Variants in CRYBG3 observed in about 807,000 individuals in gnomAD.
The protein encoded by CRYBG3 is very large A-kinase anchor protein.
A neutral mutation model predicts 244.2 loss-of-function variants in CRYBG3; 127 were observed. The observed-to-expected ratio is 0.52, with a 90% confidence interval of 0.45 to 0.60. CRYBG3 has a LOEUF of 0.60. CRYBG3 is among the 20% of genes least tolerant of loss of function. The pLI, the probability that CRYBG3 is intolerant of heterozygous loss-of-function variation, is 0.00. For missense variants in CRYBG3, 3,325 were observed against 3,442.5 expected (o/e 0.97, Z 0.85); for synonymous variants, 1,132 against 1,195.8 (o/e 0.95, Z 1.10).
chr3:97,930,209 G>A (rs751749651), intron 17 of CRYBG3, among the ~76,000 whole-genome samples: 81 of 152,034 alleles, frequency 5.3e-4, no homozygotes, highest in Admixed American at 1.5e-3. Flanking sequence ...TCTGGGGAGA[G>A]TGCTGCTGAT....
Position 97,886,693 on chromosome 3 carries a change from C to T in CRYBG3, c.7215C>T (p.Tyr2405=). The T allele has an allele frequency of 8.1e-6, 13 of 1,612,742 alleles. 1 individual carries two copies. The highest frequency in any genetic ancestry group is 2.2e-5 in the South Asian group (2 of 90,906). ...PQSDPACCPV[Y]IQRAVPNLEE... The stretch of plus-strand genomic sequence containing the variant: ...CTGACCCAGCCTGTTGTCCTGTCTA[C>T]ATACAGAGAGCAGTCCCCAATTTGG... The change falls in exon 8 of 22, where the codon TAC becomes TAT. Residue 2405 remains tyrosine (Y), a synonymous_variant. Transcript: ENST00000389622.
At chr3:97,885,092 G>C (rs897711147) in intron 7 of CRYBG3, among the ~76,000 whole-genome samples, 1 of 152,086 alleles carries the variant, frequency 6.6e-6, no homozygotes, top group African/African-American at 2.4e-5. Context: ...AGAGCCTTGA[G>C]GATTGACAGG....
chr3:97,833,020 A>G (rs1031125240), intron 1 of CRYBG3, among the ~76,000 whole-genome samples: 1 of 152,212 alleles, frequency 6.6e-6, no homozygotes, highest in Non-Finnish European at 1.5e-5. Context: ...ATGAGATACC[A>G]TCTCACATGT....
Position 97,877,280 on chromosome 3 carries a change from C to CAA in CRYBG3, c.6086_6087insAA (p.Ala2031ProfsTer29), listed in dbSNP as rs1559729894. 1 of 1,613,986 alleles carries CAA rather than the reference C, an allele frequency of 6.2e-7. No individual in the cohort carries two copies. The highest frequency in any genetic ancestry group is 1.1e-5 in the South Asian group (1 of 91,078). ...ACACAGTCTGTCTTGTTTCATGATA[C>CAA]GTCCGCTGACAGCATGCCTGTTCTG... On this transcript the variant is annotated frameshift_variant, in exon 4 of 22. Coordinates refer to ENST00000389622, the MANE Select transcript of CRYBG3 (RefSeq NM_153605.4). LOFTEE classifies it high-confidence loss of function.
intron 17 of CRYBG3, among the ~76,000 whole-genome samples, chr3:97,931,512 C>T (rs547629872): frequency 6.6e-6 from 1 of 152,160 alleles, no homozygotes; most frequent in African/African-American, 2.4e-5. Context: ...CTAGTTATTA[C>T]CCAGATTCTG....
Position 97,840,185 on chromosome 3 carries a change from T to C in CRYBG3, c.150-3010T>C, listed in dbSNP as rs140116202. Among the ~76,000 whole-genome samples, 9 of 152,118 alleles carry C rather than the reference T, an allele frequency of 5.9e-5. 1 individual carries two copies. Among genetic ancestry groups the C allele is most frequent in the African/African-American group, 2.2e-4 (9 of 41,536 alleles). ...AGTGATTTGTAGGAGTGTAAACTTT[T>C]GTGTATTCTAGTAATGTCAAGTGGT... On this transcript the variant is annotated intron_variant, in intron 1 of 21. Coordinates refer to ENST00000389622, the MANE Select transcript of CRYBG3 (RefSeq NM_153605.4).
intron 17 of CRYBG3, among the ~76,000 whole-genome samples, chr3:97,920,272 T>C (rs763894611): frequency 1.3e-5 from 2 of 152,128 alleles, no homozygotes; most frequent in Non-Finnish European, 2.9e-5. Context: ...GTCTCTCAAG[T>C]GTAGATGTTT....
In CRYBG3 at chr3:97,875,723, G is replaced by T. The variant is rs2039363605; in HGVS notation, c.4529G>T (p.Gly1510Val). ...LVCISEKNLP[G>V]HSKNTPLAMS... ...TGTATATCTGAAAAAAACTTGCCAG[G>T]ACACAGTAAAAACACACCTCTTGCA... is the stretch of plus-strand genomic sequence containing the variant. The change falls in exon 4 of 22, where the codon GGA (glycine) becomes GTA (valine). Residue 1510 changes from glycine to valine, a missense_variant. Gly to Val is a moderately radical substitution (Grantham distance 109). Transcript: ENST00000389622. 8.1e-7 allele frequency: 1 copy of T among 1,232,042 alleles called. No individual in the cohort carries two copies. The allele number at this position is 1,232,042 out of a possible 1,614,324, so 76.3% of individuals were successfully genotyped here.
rs752329657 is a variant in CRYBG3 at position 97,933,737 on chromosome 3, G to A, written c.8285G>A (p.Cys2762Tyr). 6.2e-7 allele frequency: 1 copy of A among 1,613,070 alleles called. No homozygotes were observed. Among genetic ancestry groups the A allele is most frequent in the Non-Finnish European group, 8.5e-7 (1 of 1,179,342 alleles). The change falls in exon 18 of 22, where the codon TGT becomes TAT. Residue 2762 changes from cysteine to tyrosine, a missense_variant. Transcript: ENST00000389622. ...PSISLFALEH[C>Y]EGRELHLEEA... ...ATCAGCCTTTTTGCTCTGGAGCATTGTGAGGGAAGAGAGTTACATCTAGAA... is the reference window on the plus strand; with the variant it reads ...ATCAGCCTTTTTGCTCTGGAGCATTATGAGGGAAGAGAGTTACATCTAGAA...
chr3:97,926,868 GA>G (rs955824821), intron 17 of CRYBG3, among the ~76,000 whole-genome samples: 1 of 151,934 alleles, frequency 6.6e-6, no homozygotes, highest in African/African-American at 2.4e-5. Context: ...CCAGGGAGGT[GA>G]AAGATCTCTA....
At position 97,872,684 on chromosome 3, in the gene CRYBG3, A is replaced by G. The variant is rs186224760; in HGVS notation, c.1490A>G (p.Gln497Arg). 2.7e-3 allele frequency: 4,182 copies of G among 1,535,988 alleles called. 15 individuals are homozygous for G. The highest frequency in any genetic ancestry group is 2.9e-3 in the Non-Finnish European group (3,321 of 1,146,798). Residue 497 changes from glutamine (Q) to arginine (R), a missense_variant, in exon 4 of 22, where the codon CAG becomes CGG. This residue lies in a region of CRYBG3 where 1,526 missense variants were observed against 1,443.2 expected (regional missense o/e 1.06). Coordinates refer to ENST00000389622, the MANE Select transcript of CRYBG3 (RefSeq NM_153605.4). Reference sequence around the variant, plus strand: ...ACTCACACCAATATCATTGCTCTTCAGAGACATGCTGTGACAGACACAGAA... The same window carrying G: ...ACTCACACCAATATCATTGCTCTTCGGAGACATGCTGTGACAGACACAGAA... ...AATHTNIIAL[Q>R]RHAVTDTEFV...
At chr3:97,908,950 CAAAATCT>C (rs1332812995) in intron 15 of CRYBG3, among the ~76,000 whole-genome samples, 3 of 152,122 alleles carry the variant, frequency 2.0e-5, no homozygotes, top group Middle Eastern at 3.4e-3. Context: ...CTGGTGGTGA[CAAAATCT>C]CTCAGCATAT....
At chr3:97,847,894 A>G (rs1248572655) in intron 2 of CRYBG3, among the ~76,000 whole-genome samples, 2 of 152,216 alleles carry the variant, frequency 1.3e-5, no homozygotes, top group Non-Finnish European at 2.9e-5. Flanking sequence ...TCAATATCAG[A>G]TATTTATGAC....
At chr3:97,900,177 G>A (rs1575950136) in intron 14 of CRYBG3, among the ~76,000 whole-genome samples, 4 of 152,022 alleles carry the variant, frequency 2.6e-5, no homozygotes, top group Non-Finnish European at 2.9e-5. Context: ...GTGAGACCTC[G>A]TCTTTACAAA....
intron 1 of CRYBG3, among the ~76,000 whole-genome samples, chr3:97,841,748 TTCCC>T (rs1469628557): frequency 6.6e-6 from 1 of 152,080 alleles, no homozygotes. Flanking sequence ...CCTTGAAGAC[TTCCC>T]ACTGCATGTA....
chr3:97,832,597 AC>A (rs1439667103), intron 1 of CRYBG3, among the ~76,000 whole-genome samples: 1 of 152,202 alleles, frequency 6.6e-6, no homozygotes, highest in Non-Finnish European at 1.5e-5. Flanking sequence ...TAAATGTAAG[AC>A]CTAAAACCAT....
intron 11 of CRYBG3, 140 bp from the exon 12 acceptor site, chr3:97,895,819 T>C: frequency 1.4e-6 from 1 of 700,674 alleles, no homozygotes; most frequent in Non-Finnish European, 2.3e-6. Flanking sequence ...TTGTCTATCT[T>C]TATAAATGAA....
chr3:97,892,253 A>G (rs2039587037), intron 10 of CRYBG3, among the ~76,000 whole-genome samples: 1 of 152,122 alleles, frequency 6.6e-6, no homozygotes, highest in African/African-American at 2.4e-5. Flanking sequence ...TTGAGTCGAA[A>G]TTGTGCAGGC....
intron 15 of CRYBG3, among the ~76,000 whole-genome samples, chr3:97,908,639 G>GTC (rs1168504917): frequency 1.3e-5 from 2 of 152,142 alleles, no homozygotes; most frequent in African/African-American, 4.8e-5. Flanking sequence ...GCCTATGTGT[G>GTC]TCTCTGCACA....
Sources: allele counts gnomAD v4.1 joint callset (sites outside exome capture counted in the v4.1 genomes callset), GRCh38; gene constraint gnomAD v4.1.1; regional missense constraint gnomAD v4.1.1; transcripts MANE v1.5; gene names NCBI Gene and HGNC (gene_info 2026-07-23, HGNC 2026-07-21).